Variants in THRB observed in about 807,000 individuals in gnomAD.
THRB encodes the protein thyroid hormone receptor beta, also known as nuclear receptor subfamily 1 group A member 2.
THRB carries 12 observed loss-of-function variants against 47.8 expected under a neutral mutation model. The observed-to-expected ratio is 0.25, with a 90% CI of 0.16 to 0.41. The LOEUF (loss-of-function observed/expected upper bound fraction) is 0.41. Among genes scored for constraint, THRB ranks in the 10% least tolerant of loss-of-function variants. The probability of loss-of-function intolerance (pLI) is 1.00; values close to 1 mark genes in which losing one functional copy is unlikely to be tolerated. For synonymous variants in THRB, 218 were observed against 212.2 expected, an observed-to-expected ratio of 1.03 and a Z score of -0.24; for missense variants, 348 against 589.2, an observed-to-expected ratio of 0.59 and a Z score of 4.24.
chr3:24,143,848 G>A, intron 7 of THRB, 142 bp from the exon 8 acceptor site: 1 of 781,930 alleles, frequency 1.3e-6, no homozygotes, highest in Non-Finnish European at 2.1e-6. Flanking sequence ...CACTGGGACA[G>A]TTTCTCTCCT....
At chr3:24,188,379 G>T (rs1575707390) in intron 5 of THRB, among the ~76,000 whole-genome samples, 1 of 152,298 alleles carries the variant, frequency 6.6e-6, no homozygotes, top group South Asian at 2.1e-4. Flanking sequence ...AAAGTAGAAA[G>T]GCTAGGATTC....
intron 5 of THRB, among the ~76,000 whole-genome samples, chr3:24,158,598 T>C (rs771900188): frequency 1.3e-5 from 2 of 152,014 alleles, no homozygotes; most frequent in Non-Finnish European, 2.9e-5. Flanking sequence ...CCAGCTATTA[T>C]TTGTTATTTT....
At chr3:24,309,902 C>T (rs561944371) in intron 2 of THRB, among the ~76,000 whole-genome samples, 1 of 152,216 alleles carries the variant, frequency 6.6e-6, no homozygotes, top group Non-Finnish European at 1.5e-5. Flanking sequence ...CTATTCAGTG[C>T]TGTGTTGGGT....
At chr3:24,460,994 G>T (rs1459573557) in intron 1 of THRB, among the ~76,000 whole-genome samples, 2 of 152,176 alleles carry the variant, frequency 1.3e-5, no homozygotes, top group Non-Finnish European at 1.5e-5. Flanking sequence ...GGGGTTTGCA[G>T]GCTAGAGGCT....
chr3:24,412,460 G>A (rs183521461), intron 1 of THRB, among the ~76,000 whole-genome samples: 1 of 151,904 alleles, frequency 6.6e-6, no homozygotes, highest in Admixed American at 6.6e-5. Flanking sequence ...CTGTTTAGGA[G>A]CTTGGGAAAA....
chr3:24,473,485 TTGG>T (rs1316717280), intron 1 of THRB, among the ~76,000 whole-genome samples: 1 of 152,182 alleles, frequency 6.6e-6, no homozygotes, highest in Non-Finnish European at 1.5e-5. Flanking sequence ...TTTTACACTG[TTGG>T]TGGGAGTGTA....
At chr3:24,244,553 T>G (rs2049915861) in intron 3 of THRB, among the ~76,000 whole-genome samples, 1 of 152,198 alleles carries the variant, frequency 6.6e-6, no homozygotes, top group African/African-American at 2.4e-5. Flanking sequence ...CTATCAAAAT[T>G]CTGCAGTCTT....
At chr3:24,148,243 T>C (rs985519948) in intron 6 of THRB, among the ~76,000 whole-genome samples, 1 of 152,186 alleles carries the variant, frequency 6.6e-6, no homozygotes, top group Non-Finnish European at 1.5e-5. Context: ...TCTCATATCT[T>C]AGCATCCAGA....
intron 3 of THRB, among the ~76,000 whole-genome samples, chr3:24,270,590 G>T (rs1385148479): frequency 6.6e-6 from 1 of 152,186 alleles, no homozygotes; most frequent in African/African-American, 2.4e-5. Flanking sequence ...AGCATTGTTG[G>T]CATCCATGCA....
At chr3:24,397,773 C>T (rs888052241) in intron 1 of THRB, among the ~76,000 whole-genome samples, 2 of 151,736 alleles carry the variant, frequency 1.3e-5, no homozygotes, top group African/African-American at 4.8e-5. Context: ...TTAGTAGAGA[C>T]GGGGTTTCAC....
intron 8 of THRB, among the ~76,000 whole-genome samples, chr3:24,138,862 G>A (rs1259688328): frequency 2.0e-5 from 3 of 152,144 alleles, no homozygotes; most frequent in African/African-American, 7.2e-5. Flanking sequence ...GATCCTAAAG[G>A]TCACATTTTA....
At chr3:24,376,001 T>A (rs913624507) in intron 1 of THRB, among the ~76,000 whole-genome samples, 1 of 152,168 alleles carries the variant, frequency 6.6e-6, no homozygotes, top group Admixed American at 6.6e-5. Flanking sequence ...TATCAGCTCC[T>A]ATAACTCCTC....
At chr3:24,422,379 T>A (rs2069347576) in intron 1 of THRB, among the ~76,000 whole-genome samples, 2 of 151,890 alleles carry the variant, frequency 1.3e-5, no homozygotes, top group Admixed American at 1.3e-4. Flanking sequence ...GAGTTGTCAT[T>A]TTCCAACCCT....
intron 1 of THRB, among the ~76,000 whole-genome samples, chr3:24,387,722 T>A (rs7630858): frequency 0.38 from 58,035 of 151,906 alleles, 12,797 homozygotes; most frequent in South Asian, 0.49. Context: ...ACTGTATCCT[T>A]AGAAATGCTC....
chr3:24,224,820 G>C (rs913811840), intron 4 of THRB, among the ~76,000 whole-genome samples: 6 of 152,154 alleles, frequency 3.9e-5, no homozygotes, highest in African/African-American at 1.4e-4. Flanking sequence ...GGGATGAACT[G>C]CTTTCACTTT....
intron 1 of THRB, among the ~76,000 whole-genome samples, chr3:24,364,821 C>T (rs926010093): frequency 1.3e-5 from 2 of 152,154 alleles, no homozygotes; most frequent in Non-Finnish European, 2.9e-5. Context: ...TTGAAAACTT[C>T]TCCTAATGAG....
chr3:24,189,297 A>C (rs544634601), intron 5 of THRB, among the ~76,000 whole-genome samples: 1 of 152,274 alleles, frequency 6.6e-6, no homozygotes, highest in Non-Finnish European at 1.5e-5. Context: ...AAAAAGAAAA[A>C]CCACTAAACT....
chr3:24,249,707 G>A (rs944247977), intron 3 of THRB, among the ~76,000 whole-genome samples: 1 of 151,636 alleles, frequency 6.6e-6, no homozygotes, highest in Non-Finnish European at 1.5e-5. Flanking sequence ...GTGAGTCTAT[G>A]AAAAATTTTG....
intron 2 of THRB, among the ~76,000 whole-genome samples, chr3:24,320,833 A>G (rs771143385): frequency 7.9e-5 from 12 of 152,154 alleles, no homozygotes; most frequent in Non-Finnish European, 1.2e-4. Flanking sequence ...CTTGAGGCCT[A>G]TGTGGCAGGA....
Sources: allele counts gnomAD v4.1 joint callset (sites outside exome capture counted in the v4.1 genomes callset), GRCh38; gene constraint gnomAD v4.1.1; transcripts MANE v1.5; gene names NCBI Gene and HGNC (gene_info 2026-07-23, HGNC 2026-07-21).